Variants in PCDHGB7 observed in about 807,000 individuals in gnomAD.
PCDHGB7 encodes the protein protocadherin gamma subfamily B, 7.
In PCDHGB7, 37 loss-of-function variants were observed where a neutral mutation model predicts 61.4. That is an observed-to-expected ratio of 0.60 (90% confidence interval 0.46 to 0.79). PCDHGB7 has a LOEUF of 0.79. Among genes scored for constraint, PCDHGB7 ranks in the 30% least tolerant of loss-of-function variants. The pLI is 0.00. For synonymous variants in PCDHGB7, 464 were observed against 503.5 expected, an observed-to-expected ratio of 0.92 and a Z score of 1.05; for missense variants, 1,166 against 1,202.5, an observed-to-expected ratio of 0.97 and a Z score of 0.45.
At chr5:141,426,096 T>C (rs1296875718) in intron 1 of PCDHGB7, among the ~76,000 whole-genome samples, 6 of 152,230 alleles carry the variant, frequency 3.9e-5, no homozygotes, top group Non-Finnish European at 8.8e-5. Flanking sequence ...GATATTCTGT[T>C]CAGTCACAGA....
At position 141,432,015 on chromosome 5, in the gene PCDHGB7, A is replaced by G. The variant is rs745405194; in HGVS notation, c.2415+11741A>G. 6.2e-7 allele frequency: 1 copy of G among 1,614,196 alleles called. No individual in the cohort carries two copies. Among genetic ancestry groups the G allele is most frequent in the Admixed American group, 1.7e-5 (1 of 60,032 alleles). On this transcript the variant is annotated intron_variant, in intron 1 of 3. Coordinates refer to ENST00000398594, the MANE Select transcript of PCDHGB7 (RefSeq NM_018927.4). The surrounding 1 kb of genome is among the most constrained non-coding windows in gnomAD (Gnocchi z 6.0). ...GATAGGGAACAGGTTCCTAGCTACA[A>G]CATCACAGTGACCGCCACTGACCGG...
Position 141,490,012 on chromosome 5 carries a change from G to A in PCDHGB7, c.2416-4795G>A. 1 of 1,614,232 alleles carries A rather than the reference G, an allele frequency of 6.2e-7. No homozygotes were observed. Among genetic ancestry groups the A allele is most frequent in the Non-Finnish European group, 8.5e-7 (1 of 1,180,044 alleles). ...GGGAATCCCAGAGAATGCACCCATT[G>A]GTACTCTGCTGCTCCGCCTCAATGC... is the stretch of plus-strand genomic sequence containing the variant. On this transcript the variant is annotated intron_variant, in intron 1 of 3. Transcript: ENST00000398594. This position sits in a 1 kb window ranked among gnomAD's most constrained non-coding sequence, Gnocchi z 5.4.
Position 141,504,677 on chromosome 5 carries a change from T to C in PCDHGB7, c.2475-716T>C, listed in dbSNP as rs552242248. 4.7e-5 allele frequency among the ~76,000 whole-genome samples: 7 copies of C among 147,580 alleles called. No homozygotes were observed. In the East Asian group the frequency reaches 1.5e-3, roughly 31 times the overall value. ...TTTGAGGGCGGGGGGTGGGGGTTCT[T>C]GTAAAATAGGAGGGGCAGGTTCTTC... On this transcript the variant is annotated intron_variant, in intron 2 of 3. Transcript: ENST00000398594.
chr5:141,490,344 AGTGGGGTTGTTTAAT>A lies in PCDHGB7; in HGVS notation c.2416-4459_2416-4445del. The A allele has an allele frequency of 6.2e-7, 1 of 1,614,178 alleles. No individual in the cohort carries two copies. The highest frequency in any genetic ancestry group is 8.5e-7 in the Non-Finnish European group (1 of 1,180,030). ...TAGAGAGCACACCAGTGGGCACAGT[AGTGGGGTTGTTTAAT>A]GTGCGAGACCGGGACTCAGGTAGAA... On this transcript the variant is annotated intron_variant, in intron 1 of 3. Coordinates refer to ENST00000398594, the MANE Select transcript of PCDHGB7 (RefSeq NM_018927.4). This position sits in a 1 kb window ranked among gnomAD's most constrained non-coding sequence, Gnocchi z 5.4.
chr5:141,421,880 G>A (rs761272704), intron 1 of PCDHGB7: 3 of 1,613,600 alleles, frequency 1.9e-6, no homozygotes, highest in East Asian at 4.5e-5. Flanking sequence ...GCTTTAGATG[G>A]AGGCGATCCC....
chr5:141,423,661 GT>G, intron 1 of PCDHGB7: 1 of 1,555,760 alleles, frequency 6.4e-7, no homozygotes. Flanking sequence ...AAGTAATCAG[GT>G]GAGATTTATT....
In PCDHGB7 at chr5:141,432,017, A is replaced by G. The variant is rs372826902; in HGVS notation, c.2415+11743A>G. The stretch of plus-strand genomic sequence containing the variant: ...TAGGGAACAGGTTCCTAGCTACAAC[A>G]TCACAGTGACCGCCACTGACCGGGG... On this transcript the variant is annotated intron_variant, in intron 1 of 3. Coordinates refer to ENST00000398594, the MANE Select transcript of PCDHGB7 (RefSeq NM_018927.4). This position sits in a 1 kb window ranked among gnomAD's most constrained non-coding sequence, Gnocchi z 6.0. The G allele has an allele frequency of 6.2e-7, 1 of 1,614,224 alleles. No individual in the cohort carries two copies. Among genetic ancestry groups the G allele is most frequent in the Non-Finnish European group, 8.5e-7 (1 of 1,180,038 alleles).
rs370704205 is a variant in PCDHGB7, at chr5:141,422,166, T to C, written c.2415+1892T>C. 4.5e-6 allele frequency: 7 copies of C among 1,569,374 alleles called. No individual in the cohort carries two copies. In the South Asian group the frequency reaches 8.5e-5, roughly 19 times the overall value. ...GGGGGTCTCTGGATTTTGAAAAATA[T>C]AGATTCTATGAGATGGAAATTCAAG... On this transcript the variant is annotated intron_variant, in intron 1 of 3. Coordinates refer to ENST00000398594, the MANE Select transcript of PCDHGB7 (RefSeq NM_018927.4).
Position 141,417,954 on chromosome 5 carries a change from C to G in PCDHGB7, c.95C>G (p.Pro32Arg). 1.2e-6 allele frequency: 2 copies of G among 1,613,600 alleles called. No homozygotes were observed. Among genetic ancestry groups the G allele is most frequent in the South Asian group, 1.1e-5 (1 of 91,062 alleles). Reference protein sequence around the residue: ...LPLFYPTLCEPIRYSIPEELA... With the variant: ...LPLFYPTLCERIRYSIPEELA... ...TTGTTCTACCCCACGCTGTGTGAGCCGATCCGCTACTCGATTCCGGAGGAG... is the reference window on the plus strand; with the variant it reads ...TTGTTCTACCCCACGCTGTGTGAGCGGATCCGCTACTCGATTCCGGAGGAG... The change falls in exon 1 of 4, where the codon CCG (proline) becomes CGG (arginine). Residue 32 changes from proline to arginine, a missense_variant. By Grantham distance (103) the Pro-to-Arg change is moderately radical. Coordinates refer to ENST00000398594, the MANE Select transcript of PCDHGB7 (RefSeq NM_018927.4).
In PCDHGB7 at chr5:141,477,772, C is replaced by G. The variant is rs760319541; in HGVS notation, c.2416-17035C>G. The G allele has an allele frequency of 1.5e-5, 25 of 1,613,908 alleles. No homozygotes were observed. Among genetic ancestry groups the G allele is most frequent in the Non-Finnish European group, 2.1e-5 (25 of 1,180,042 alleles). On this transcript the variant is annotated intron_variant, in intron 1 of 3. Coordinates refer to ENST00000398594, the MANE Select transcript of PCDHGB7 (RefSeq NM_018927.4). This position sits in a 1 kb window ranked among gnomAD's most constrained non-coding sequence, Gnocchi z 4.9. Reference sequence around the variant, plus strand: ...CCCCGGTCCTAGCCACCAACATCAGCGTGAACATATTTGTCACTGATCGCA... The same window carrying G: ...CCCCGGTCCTAGCCACCAACATCAGGGTGAACATATTTGTCACTGATCGCA...
chr5:141,507,365 C>G (rs1279257057), intron 3 of PCDHGB7: 1 of 152,092 alleles, frequency 6.6e-6, no homozygotes, highest in African/African-American at 2.4e-5. Context: ...ACTGGGAGCC[C>G]TGTACTTTTA....
chr5:141,456,285 G>T (rs2098848223), intron 1 of PCDHGB7, among the ~76,000 whole-genome samples: 1 of 152,134 alleles, frequency 6.6e-6, no homozygotes, highest in Non-Finnish European at 1.5e-5. Flanking sequence ...GCTGAAAAGG[G>T]GCGTCTAATG....
At chr5:141,494,890 C>A (rs1483157263) in intron 2 of PCDHGB7, 25 bp downstream of exon 2, 1 of 1,614,120 alleles carries the variant, frequency 6.2e-7, no homozygotes. Context: ...CTCCAGCCCA[C>A]CCTCTTCTCT....
In PCDHGB7 at chr5:141,419,693, A is replaced by G. The variant is rs1241615790; in HGVS notation, c.1834A>G (p.Ser612Gly). 6.2e-7 allele frequency: 1 copy of G among 1,612,884 alleles called. No individual in the cohort carries two copies. Among genetic ancestry groups the G allele is most frequent in the Non-Finnish European group, 8.5e-7 (1 of 1,179,478 alleles). The change falls in exon 1 of 4, where the codon AGT becomes GGT. Residue 612 changes from serine to glycine, a missense_variant. Ser to Gly is a moderately conservative substitution (Grantham distance 56, BLOSUM62 0). Transcript: ENST00000398594. ...AWLSYHVVQASEPGLFSLGLR... is the reference protein window; with the variant it reads ...AWLSYHVVQAGEPGLFSLGLR... The stretch of plus-strand genomic sequence containing the variant: ...GCTGTCCTACCACGTGGTGCAGGCC[A>G]GTGAGCCCGGGCTCTTCAGCCTGGG...
chr5:141,488,175 T>C (rs889217562), intron 1 of PCDHGB7, among the ~76,000 whole-genome samples: 1 of 152,168 alleles, frequency 6.6e-6, no homozygotes, highest in Non-Finnish European at 1.5e-5. Context: ...AGTGGTGGCA[T>C]AGATCTTTTG....
In PCDHGB7 at chr5:141,476,016, G is replaced by C; in HGVS notation, c.2416-18791G>C. On this transcript the variant is annotated intron_variant, in intron 1 of 3. Transcript: ENST00000398594. This position sits in a 1 kb window ranked among gnomAD's most constrained non-coding sequence, Gnocchi z 7.6. ...TCAACGGCATCCAGAAAGCCATGTC[G>C]GACTCGGCGCCCAGCGCCCAAGCGC... 1 of 1,359,386 alleles carries C rather than the reference G, an allele frequency of 7.4e-7. No homozygotes were observed. The highest frequency in any genetic ancestry group is 2.3e-5 in the East Asian group (1 of 43,300). 84.2% of individuals were successfully genotyped at this position (1,359,386 alleles called of 1,614,324 possible).
At chr5:141,423,549 C>T (rs748764057) in intron 1 of PCDHGB7, 113 of 1,613,568 alleles carry the variant, frequency 7.0e-5, no homozygotes, top group Non-Finnish European at 8.7e-5. Flanking sequence ...TCCCCCAGCC[C>T]AACTATGGGG....
chr5:141,417,791 C>G lies in PCDHGB7; in HGVS notation c.-69C>G. The stretch of plus-strand genomic sequence containing the variant: ...CTCCTCCTGTCCTGGGCCGAATGCT[C>G]TTTTAGCGCGGTAGAGTGCACTTTC... On this transcript the variant is annotated 5_prime_UTR_variant, in exon 1 of 4. Transcript: ENST00000398594. The G allele has an allele frequency of 6.7e-7, 1 of 1,482,658 alleles. No individual in the cohort carries two copies. Among genetic ancestry groups the G allele is most frequent in the Non-Finnish European group, 9.0e-7 (1 of 1,114,674 alleles). 91.8% of individuals were successfully genotyped at this position (1,482,658 alleles called of 1,614,324 possible). A position where few individuals can be genotyped will look rare whatever the true frequency, so the allele number is the denominator to read the frequency against.
chr5:141,446,469 T>C (rs538381725), intron 1 of PCDHGB7, among the ~76,000 whole-genome samples: 2 of 149,740 alleles, frequency 1.3e-5, no homozygotes, highest in South Asian at 4.2e-4. Flanking sequence ...TGATTAGACA[T>C]ATGGTCATCA....
Sources: allele counts gnomAD v4.1 joint callset (sites outside exome capture counted in the v4.1 genomes callset), GRCh38; gene constraint gnomAD v4.1.1; non-coding constraint Gnocchi (gnomAD v3.1); transcripts MANE v1.5; gene names NCBI Gene and HGNC (gene_info 2026-07-23, HGNC 2026-07-21).